Variants in PCDHA5 observed in about 807,000 individuals in gnomAD.
The protein encoded by PCDHA5 is protocadherin alpha-5.
In PCDHA5, 43 loss-of-function variants were observed where a neutral mutation model predicts 61.6. The ratio of observed to expected loss-of-function variants is 0.70; its 90% CI spans 0.55 to 0.90. PCDHA5 has a LOEUF of 0.90. PCDHA5 is among the 40% of genes least tolerant of loss of function. The pLI, the probability that PCDHA5 is intolerant of heterozygous loss-of-function variation, is 0.00. For missense variants in PCDHA5, 1,298 were observed against 1,222.7 expected (o/e 1.06, Z -0.92); for synonymous variants, 627 against 543.9 (o/e 1.15, Z -2.13).
intron 3 of PCDHA5, among the ~76,000 whole-genome samples, chr5:141,000,371 C>G (rs868969531): frequency 6.1e-5 from 3 of 49,260 alleles, no homozygotes; most frequent in Admixed American, 2.7e-4. Flanking sequence ...GTCTCTCTCT[C>G]TCTCTCTCTC....
chr5:140,938,385 A>G (rs952402645), intron 1 of PCDHA5, among the ~76,000 whole-genome samples: 8 of 152,202 alleles, frequency 5.3e-5, no homozygotes, highest in Admixed American at 2.6e-4. Flanking sequence ...TAAATATTTA[A>G]TATGAAATAC....
chr5:140,946,271 A>G (rs2093916351), intron 1 of PCDHA5, among the ~76,000 whole-genome samples: 1 of 152,058 alleles, frequency 6.6e-6, no homozygotes, highest in Non-Finnish European at 1.5e-5. Context: ...GCGAATTAAA[A>G]CCCCAATGAG....
At chr5:140,841,819 C>T (rs2150323482) in intron 1 of PCDHA5, 6 of 1,613,756 alleles carry the variant, frequency 3.7e-6, no homozygotes, top group South Asian at 2.2e-5. Context: ...GAGCTAACTC[C>T]GTGTTAACCT....
chr5:140,883,294 T>A (rs782475623), intron 1 of PCDHA5: 6 of 1,613,956 alleles, frequency 3.7e-6, no homozygotes, highest in Non-Finnish European at 4.2e-6. Context: ...AAGTACTAGA[T>A]GTAAATGATA....
intron 1 of PCDHA5, chr5:140,848,846 C>G: frequency 6.3e-7 from 1 of 1,590,530 alleles, no homozygotes; most frequent in Non-Finnish European, 8.6e-7. Flanking sequence ...TGCAGGTTTT[C>G]CATGTGGACG....
chr5:140,881,909 G>T (rs941994896), intron 1 of PCDHA5: 6 of 230,500 alleles, frequency 2.6e-5, no homozygotes, highest in Non-Finnish European at 5.1e-5. Context: ...AATATAAAAT[G>T]TTGAGCAGAA....
At chr5:140,910,067 G>C (rs868941459) in intron 1 of PCDHA5, among the ~76,000 whole-genome samples, 1 of 152,194 alleles carries the variant, frequency 6.6e-6, no homozygotes, top group Non-Finnish European at 1.5e-5. Flanking sequence ...TTTTAACAGC[G>C]TAAATTGTTG....
intron 1 of PCDHA5, among the ~76,000 whole-genome samples, chr5:140,840,246 A>T (rs189141178): frequency 2.6e-5 from 4 of 152,184 alleles, no homozygotes; most frequent in African/African-American, 9.6e-5. Context: ...TCACTATGCT[A>T]TAAAAATTGT....
chr5:140,986,074 T>C (rs1342378005), intron 3 of PCDHA5, among the ~76,000 whole-genome samples: 1 of 152,124 alleles, frequency 6.6e-6, no homozygotes, highest in African/African-American at 2.4e-5. Context: ...AAAGAAACTG[T>C]TCATTTATTT....
At chr5:140,884,539 G>A (rs782320700) in intron 1 of PCDHA5, 78 of 1,613,968 alleles carry the variant, frequency 4.8e-5, no homozygotes, top group Non-Finnish European at 6.2e-5. Flanking sequence ...GGCGGCCGAG[G>A]GTGTGCTCTG....
rs2150117957 is a variant in PCDHA5 at position 140,822,634 on chromosome 5, G to A, written c.859G>A (p.Asp287Asn). ...VYFFSNLVLD[D>N]VKSKFIINSN... is the part of the protein sequence containing the mutation. ...TTTCTTTAGTAATCTTGTTCTTGAC[G>A]ATGTAAAGTCCAAATTTATAATTAA... The change falls in exon 1 of 4, where the codon GAT (aspartate) becomes AAT (asparagine). Residue 287 changes from aspartate (D) to asparagine (N), a missense_variant. Transcript: ENST00000529859. The A allele has an allele frequency of 1.6e-5, 25 of 1,610,648 alleles. No individual in the cohort carries two copies. Among genetic ancestry groups the A allele is most frequent in the Non-Finnish European group, 2.1e-5 (25 of 1,177,880 alleles).
intron 1 of PCDHA5, among the ~76,000 whole-genome samples, chr5:140,944,481 T>C (rs1441639137): frequency 1.3e-5 from 2 of 152,106 alleles, no homozygotes; most frequent in Admixed American, 6.5e-5. Flanking sequence ...GGCACTGGAC[T>C]GAGGCTTCTT....
At chr5:140,975,491 C>T (rs2153807371) in intron 1 of PCDHA5, among the ~76,000 whole-genome samples, 1 of 152,274 alleles carries the variant, frequency 6.6e-6, no homozygotes, top group Middle Eastern at 3.4e-3. Flanking sequence ...TATCAATGTT[C>T]ATAAAATAGC....
At chr5:140,927,259 C>G (rs1262444613) in intron 1 of PCDHA5, 5 of 1,614,042 alleles carry the variant, frequency 3.1e-6, no homozygotes, top group Non-Finnish European at 3.4e-6. Flanking sequence ...CAACTCACCT[C>G]TCTTTCCTGC....
At chr5:140,862,769 C>A (rs782429555) in intron 1 of PCDHA5, 1 of 578,770 alleles carries the variant, frequency 1.7e-6, no homozygotes. Context: ...AAGAGGTACG[C>A]GTTGCAGCCA....
At chr5:140,981,458 C>T (rs1465511355) in intron 2 of PCDHA5, among the ~76,000 whole-genome samples, 5 of 152,134 alleles carry the variant, frequency 3.3e-5, no homozygotes, top group African/African-American at 4.8e-5. Flanking sequence ...CCTGTAGTCC[C>T]AGCTACTTGG....
intron 1 of PCDHA5, chr5:140,967,063 C>T (rs1554229129): frequency 6.2e-7 from 1 of 1,612,820 alleles, no homozygotes; most frequent in Non-Finnish European, 8.5e-7. Flanking sequence ...GTGGAGCGCT[C>T]TTCGTCAACG....
intron 3 of PCDHA5, among the ~76,000 whole-genome samples, chr5:140,995,291 G>A (rs958346050): frequency 1.4e-4 from 22 of 152,086 alleles, no homozygotes; most frequent in African/African-American, 4.6e-4. Flanking sequence ...ACAGCCAGTC[G>A]GATACCAAGA....
chr5:140,900,167 T>C (rs756471243), intron 1 of PCDHA5, among the ~76,000 whole-genome samples: 1 of 152,238 alleles, frequency 6.6e-6, no homozygotes, highest in Non-Finnish European at 1.5e-5. Context: ...TGTCTTTCTG[T>C]GCCTGGTTTA....
Sources: gnomAD v4.1 joint callset for allele counts (sites outside exome capture counted in the v4.1 genomes callset) on GRCh38, gnomAD v4.1.1 for gene constraint, MANE v1.5 for transcripts, NCBI Gene and HGNC (gene_info 2026-07-23, HGNC 2026-07-21) for gene names.